The following PTTG1IP2 variants were observed in gnomAD, a reference collection of about 807,000 sequenced individuals.
PTTG1IP2 encodes the protein PTTG1IP family member 2.
intron 6 of PTTG1IP2, among the ~76,000 whole-genome samples, chr7:90,506,642 C>A (rs1175787348): frequency 6.6e-6 from 1 of 152,024 alleles, no homozygotes; most frequent in African/African-American, 2.4e-5. Context: ...TAGCATGCAC[C>A]TATAGTCCTA....
At chr7:90,480,125 A>ACCTGCCTTCCTCAAC (rs66680765) in intron 2 of PTTG1IP2, among the ~76,000 whole-genome samples, 5 of 152,114 alleles carry the variant, frequency 3.3e-5, no homozygotes, top group African/African-American at 1.2e-4. Flanking sequence ...TAGATACGTG[A>ACCTGCCTTCCTCAAC]CCTGCCTTCC....
chr7:90,479,628 C>T (rs781323276), intron 2 of PTTG1IP2, among the ~76,000 whole-genome samples: 1 of 152,128 alleles, frequency 6.6e-6, no homozygotes, highest in South Asian at 2.1e-4. Context: ...ACTTCTATTT[C>T]CTAAAGACTA....
At chr7:90,509,706 A>T (rs888949451) in intron 6 of PTTG1IP2, among the ~76,000 whole-genome samples, 1 of 152,102 alleles carries the variant, frequency 6.6e-6, no homozygotes. Flanking sequence ...GATAGCCTTA[A>T]TATAAAGTGT....
chr7:90,471,444 A>T (rs1353446720), intron 1 of PTTG1IP2, among the ~76,000 whole-genome samples: 4 of 152,200 alleles, frequency 2.6e-5, no homozygotes, highest in Non-Finnish European at 5.9e-5. Flanking sequence ...TATCTCAAGA[A>T]ATTATAGAAA....
chr7:90,477,213 G>C (rs1283317799), intron 1 of PTTG1IP2, among the ~76,000 whole-genome samples: 1 of 152,204 alleles, frequency 6.6e-6, no homozygotes, highest in East Asian at 1.9e-4. Context: ...ATCAGGCCTT[G>C]AGGGTGAAAG....
At chr7:90,472,479 C>G (rs1797703540) in intron 1 of PTTG1IP2, among the ~76,000 whole-genome samples, 1 of 152,144 alleles carries the variant, frequency 6.6e-6, no homozygotes, top group Non-Finnish European at 1.5e-5. Context: ...GCAGATAGCT[C>G]CAAGGAAATA....
intron 6 of PTTG1IP2, among the ~76,000 whole-genome samples, chr7:90,507,974 C>A (rs1000536943): frequency 3.9e-5 from 6 of 151,936 alleles, no homozygotes; most frequent in African/African-American, 1.5e-4. Context: ...TATAAAATAT[C>A]AGACTGGGCA....
At position 90,479,271 on chromosome 7, in the gene PTTG1IP2, G is replaced by A. The variant is rs1797789684; in HGVS notation, c.189G>A (p.Lys63=). The part of the protein sequence containing the change: ...KKSCQLCTED[K]KCVWCSEEKA... ...GTTGTCAATTGTGCACAGAAGATAAGAAAGTAAGTTAACTTTCTTATGAGG... is the reference window on the plus strand; with the variant it reads ...GTTGTCAATTGTGCACAGAAGATAAAAAAGTAAGTTAACTTTCTTATGAGG... Residue 63 remains lysine (K), a synonymous_variant, in exon 2 of 7, where the codon AAG becomes AAA. Coordinates refer to ENST00000509356, the MANE Select transcript of PTTG1IP2 (RefSeq NM_001365443.2). 6.6e-6 allele frequency: 1 copy of A among 152,528 alleles called. No individual in the cohort carries two copies. The highest frequency in any genetic ancestry group is 2.4e-5 in the African/African-American group (1 of 41,424). 9.4% of individuals were successfully genotyped at this position (152,528 alleles called of 1,614,324 possible).
intron 1 of PTTG1IP2, chr7:90,470,338 A>T (rs570092031): frequency 3.2e-4 from 49 of 152,262 alleles, no homozygotes; most frequent in Middle Eastern, 3.4e-3. Context: ...TCTTTTTCAT[A>T]AAAAAATTAC....
chr7:90,472,939 C>A (rs993798276), intron 1 of PTTG1IP2, among the ~76,000 whole-genome samples: 7 of 152,082 alleles, frequency 4.6e-5, no homozygotes, highest in African/African-American at 1.7e-4. Flanking sequence ...ACCTGGTATA[C>A]CACTTCTGGC....
At chr7:90,472,447 G>T (rs1237081854) in intron 1 of PTTG1IP2, among the ~76,000 whole-genome samples, 2 of 152,132 alleles carry the variant, frequency 1.3e-5, no homozygotes, top group Admixed American at 1.3e-4. Flanking sequence ...TCGATAGCAA[G>T]ATATCAGAAT....
intron 1 of PTTG1IP2, among the ~76,000 whole-genome samples, chr7:90,472,570 A>G (rs1016314411): frequency 6.6e-6 from 1 of 152,216 alleles, no homozygotes; most frequent in African/African-American, 2.4e-5. Flanking sequence ...CTAATGGTGA[A>G]CACACCAAGA....
chr7:90,493,080 G>A (rs7808806), intron 5 of PTTG1IP2, among the ~76,000 whole-genome samples: 145,630 of 152,240 alleles, frequency 0.96, 69,701 homozygotes, highest in East Asian at 1. Flanking sequence ...TTTACATCAT[G>A]ATAATATGAC....
intron 2 of PTTG1IP2, among the ~76,000 whole-genome samples, chr7:90,485,815 G>A (rs1006057878): frequency 2.0e-5 from 3 of 152,086 alleles, no homozygotes; most frequent in African/African-American, 7.2e-5. Flanking sequence ...GCAAGTTCAG[G>A]TTTTTTTCTG....
intron 1 of PTTG1IP2, among the ~76,000 whole-genome samples, chr7:90,478,985 G>A (rs1210902358): frequency 6.6e-6 from 1 of 152,088 alleles, no homozygotes; most frequent in South Asian, 2.1e-4. Flanking sequence ...TTAGAACTTG[G>A]CTCATCAAAG....
intron 6 of PTTG1IP2, among the ~76,000 whole-genome samples, chr7:90,500,965 G>A (rs1243144213): frequency 6.6e-6 from 1 of 152,142 alleles, no homozygotes; most frequent in Non-Finnish European, 1.5e-5. Context: ...TTCATTAAGA[G>A]CATACTCCTC....
chr7:90,470,380 C>T (rs1797669052), intron 1 of PTTG1IP2: 1 of 152,028 alleles, frequency 6.6e-6, no homozygotes. Context: ...GATTTCCTTC[C>T]AAATTGAAAA....
chr7:90,483,604 C>T (rs904441894), intron 2 of PTTG1IP2, among the ~76,000 whole-genome samples: 1 of 152,174 alleles, frequency 6.6e-6, no homozygotes, highest in African/African-American at 2.4e-5. Flanking sequence ...GCTTATTCTA[C>T]CATTGCTTCC....
chr7:90,477,678 C>T (rs1160636321), intron 1 of PTTG1IP2, among the ~76,000 whole-genome samples: 1 of 152,144 alleles, frequency 6.6e-6, no homozygotes, highest in Non-Finnish European at 1.5e-5. Context: ...TGGATGGGAT[C>T]TTGCAAAGGA....
Sources: gnomAD v4.1 joint callset for allele counts (sites outside exome capture counted in the v4.1 genomes callset) on GRCh38, gnomAD v4.1.1 for gene constraint, MANE v1.5 for transcripts, NCBI Gene and HGNC (gene_info 2026-07-23, HGNC 2026-07-21) for gene names.